The following TMEM132C variants were observed in gnomAD, a reference collection of about 807,000 sequenced individuals.
TMEM132C encodes protein phosphatase 1, regulatory subunit 152.
In TMEM132C, 29 loss-of-function variants were observed where a neutral mutation model predicts 61.4. The observed-to-expected ratio is 0.47, with a 90% CI of 0.35 to 0.64. The LOEUF is 0.64. Ranked by LOEUF, TMEM132C falls within the 30% of genes least tolerant of loss-of-function variation. TMEM132C has a pLI of 0.00. For missense variants in TMEM132C, 1,408 were observed against 1,476.9 expected, an observed-to-expected ratio of 0.95 and a Z score of 0.76; for synonymous variants, 656 against 633.1, an observed-to-expected ratio of 1.04 and a Z score of -0.54.
intron 3 of TMEM132C, among the ~76,000 whole-genome samples, chr12:128,567,429 GACAC>G (rs140541188): frequency 0.068 from 9,234 of 136,144 alleles, 335 homozygotes; most frequent in African/African-American, 0.11. Flanking sequence ...CATACCCATA[GACAC>G]ACACACACAC....
chr12:128,519,256 T>C (rs1872819679), intron 2 of TMEM132C, among the ~76,000 whole-genome samples: 2 of 152,214 alleles, frequency 1.3e-5, no homozygotes, highest in South Asian at 4.1e-4. Context: ...AAGGTAGCCA[T>C]TCCCTGTTGA....
intron 2 of TMEM132C, among the ~76,000 whole-genome samples, chr12:128,504,077 C>T (rs1268880534): frequency 1.3e-5 from 2 of 152,112 alleles, no homozygotes; most frequent in African/African-American, 4.8e-5. Flanking sequence ...CATCTCAGGG[C>T]CCATCCAGGT....
chr12:128,563,326 C>G (rs1874586392), intron 3 of TMEM132C, among the ~76,000 whole-genome samples: 1 of 152,192 alleles, frequency 6.6e-6, no homozygotes. Context: ...TTGGCAGGTC[C>G]TGGAGGCCAT....
chr12:128,436,792 C>T (rs1869608945), intron 2 of TMEM132C, among the ~76,000 whole-genome samples: 1 of 152,194 alleles, frequency 6.6e-6, no homozygotes. Flanking sequence ...CATCCCATTA[C>T]TGGGTATATA....
intron 1 of TMEM132C, among the ~76,000 whole-genome samples, chr12:128,329,355 G>C (rs919917626): frequency 1.3e-5 from 2 of 152,154 alleles, no homozygotes; most frequent in Non-Finnish European, 2.9e-5. Flanking sequence ...AGAAGGAAAA[G>C]CAGTTGGAAG....
At chr12:128,507,797 G>C (rs1188091396) in intron 2 of TMEM132C, among the ~76,000 whole-genome samples, 1 of 152,208 alleles carries the variant, frequency 6.6e-6, no homozygotes, top group African/African-American at 2.4e-5. Context: ...AGGCTCCGCA[G>C]ACTTCTCTGT....
intron 2 of TMEM132C, among the ~76,000 whole-genome samples, chr12:128,432,016 C>G (rs998424160): frequency 6.6e-6 from 1 of 152,140 alleles, no homozygotes; most frequent in East Asian, 1.9e-4. Flanking sequence ...ATAAATGGAA[C>G]CACAAAGCCT....
chr12:128,697,621 C>A (rs1397485681), intron 8 of TMEM132C, among the ~76,000 whole-genome samples: 1 of 152,210 alleles, frequency 6.6e-6, no homozygotes, highest in African/African-American at 2.4e-5. Flanking sequence ...CTCACCAAGT[C>A]TCTTGGCTGC....
chr12:128,491,987 C>T (rs867138899), intron 2 of TMEM132C, among the ~76,000 whole-genome samples: 1 of 151,956 alleles, frequency 6.6e-6, no homozygotes, highest in South Asian at 2.1e-4. Flanking sequence ...TCTCCTAATG[C>T]TTTCCCTCCC....
At chr12:128,452,377 G>T (rs1870201391) in intron 2 of TMEM132C, among the ~76,000 whole-genome samples, 2 of 151,744 alleles carry the variant, frequency 1.3e-5, no homozygotes, top group Admixed American at 1.3e-4. Flanking sequence ...TGGGATTACA[G>T]GTGTGAGCCA....
At chr12:128,398,461 T>C (rs2136007162) in intron 1 of TMEM132C, among the ~76,000 whole-genome samples, 1 of 152,378 alleles carries the variant, frequency 6.6e-6, no homozygotes, top group Middle Eastern at 3.4e-3. Flanking sequence ...GTTTTCATCC[T>C]CATGTGTGAG....
intron 2 of TMEM132C, among the ~76,000 whole-genome samples, chr12:128,430,857 G>A (rs985971083): frequency 6.6e-6 from 1 of 152,136 alleles, no homozygotes; most frequent in African/African-American, 2.4e-5. Flanking sequence ...CCACTGACTG[G>A]CCACTGTTGC....
chr12:128,549,269 G>T (rs1874070435), intron 3 of TMEM132C, among the ~76,000 whole-genome samples: 1 of 152,042 alleles, frequency 6.6e-6, no homozygotes, highest in Admixed American at 6.6e-5. Flanking sequence ...GACCAAAACT[G>T]GTGTCCTGTC....
chr12:128,415,173 G>A lies in TMEM132C; in HGVS notation c.527G>A (p.Arg176Gln), dbSNP rs761061229. The A allele has an allele frequency of 5.6e-6, 9 of 1,610,524 alleles. No homozygotes were observed. Among genetic ancestry groups the A allele is most frequent in the East Asian group, 2.2e-5 (1 of 44,620 alleles). Residue 176 changes from arginine (R) to glutamine (Q), a missense_variant, in exon 2 of 9, where the codon CGA becomes CAA. Coordinates refer to ENST00000435159, the MANE Select transcript of TMEM132C (RefSeq NM_001136103.3). The surrounding 1 kb of genome is among the most constrained non-coding windows in gnomAD (Gnocchi z 5.8). The stretch of plus-strand genomic sequence containing the variant: ...CCATGCCTGAGGGTCTTTGCTTTCC[G>A]AGAAACCAGAGAGGTGCGGGGCAGC... ...KLPCLRVFAF[R>Q]ETREVRGSCR... is the part of the protein sequence containing the mutation.
chr12:128,275,643 C>T (rs1870665213), intron 1 of TMEM132C, among the ~76,000 whole-genome samples: 1 of 151,994 alleles, frequency 6.6e-6, no homozygotes, highest in South Asian at 2.1e-4. Context: ...AATTGTCTTC[C>T]ACAAAACTGG....
At chr12:128,268,638 C>A (rs549916616) in intron 1 of TMEM132C, among the ~76,000 whole-genome samples, 1 of 152,250 alleles carries the variant, frequency 6.6e-6, no homozygotes, top group South Asian at 2.1e-4. Context: ...ACACTCAAAG[C>A]CACCCTTCTC....
At chr12:128,383,911 G>A (rs954142333) in intron 1 of TMEM132C, among the ~76,000 whole-genome samples, 1 of 152,108 alleles carries the variant, frequency 6.6e-6, no homozygotes, top group African/African-American at 2.4e-5. Flanking sequence ...ACATAACGAC[G>A]CTTTTTAAAC....
chr12:128,340,856 T>TCTTTCTTCCTTCCTTC (rs1555218715), intron 1 of TMEM132C, among the ~76,000 whole-genome samples: 25 of 147,372 alleles, frequency 1.7e-4, no homozygotes, highest in African/African-American at 6.0e-4. Context: ...TCTCTTTCTT[T>TCTTTCTTCCTTCCTTC]CTTCCTTCCT....
chr12:128,683,970 T>TTAAATAAATAAATAAATAAA (rs5741714), intron 5 of TMEM132C, among the ~76,000 whole-genome samples: 1 of 147,470 alleles, frequency 6.8e-6, no homozygotes, highest in Non-Finnish European at 1.5e-5. Context: ...CTGTTTGAAA[T>TTAAATAAATAAATAAATAAA]TAAATAAATA....
Sources: allele counts gnomAD v4.1 joint callset (sites outside exome capture counted in the v4.1 genomes callset), GRCh38; gene constraint gnomAD v4.1.1; non-coding constraint Gnocchi (gnomAD v3.1); transcripts MANE v1.5; gene names NCBI Gene and HGNC (gene_info 2026-07-23, HGNC 2026-07-21).